Variants in FAM227B observed in about 807,000 individuals in gnomAD.
FAM227B encodes the protein protein FAM227B.
Under a neutral mutation model 73.8 loss-of-function variants are expected in FAM227B, and 88 were observed. The ratio of observed to expected loss-of-function variants is 1.19; its 90% confidence interval spans 1.00 to 1.42. FAM227B has a LOEUF of 1.42. Among genes scored for constraint, FAM227B ranks in the 40% most tolerant of loss-of-function variants. The pLI is 0.00. For synonymous variants in FAM227B, 210 were observed against 190.5 expected, an observed-to-expected ratio of 1.10 and a Z score of -0.84; for missense variants, 632 against 590.9, an observed-to-expected ratio of 1.07 and a Z score of -0.72.
At chr15:49,385,117 A>G (rs929039759) in intron 11 of FAM227B, among the ~76,000 whole-genome samples, 2 of 151,882 alleles carry the variant, frequency 1.3e-5, no homozygotes, top group African/African-American at 4.8e-5. Flanking sequence ...GGTTTGGAGA[A>G]AGGTTTGGCA....
intron 10 of FAM227B, among the ~76,000 whole-genome samples, chr15:49,538,489 G>A (rs1258464660): frequency 6.6e-6 from 1 of 152,144 alleles, no homozygotes; most frequent in African/African-American, 2.4e-5. Context: ...GTCCCCAGGG[G>A]GTGAGGTGCT....
chr15:49,604,764 G>A (rs2077406052), intron 3 of FAM227B, among the ~76,000 whole-genome samples: 1 of 150,018 alleles, frequency 6.7e-6, no homozygotes, highest in South Asian at 2.1e-4. Flanking sequence ...TCCTCTGACA[G>A]CAGTTTCAAA....
chr15:49,478,446 G>A (rs1314907575), intron 11 of FAM227B, among the ~76,000 whole-genome samples: 1 of 151,648 alleles, frequency 6.6e-6, no homozygotes, highest in African/African-American at 2.4e-5. Flanking sequence ...TAAAATGAAT[G>A]GAATCTATAG....
chr15:49,396,336 G>A (rs375760229), intron 11 of FAM227B: 8 of 362,546 alleles, frequency 2.2e-5, no homozygotes, highest in Admixed American at 1.1e-4. Context: ...CACCTGGCTC[G>A]GAGGGTCCTA....
chr15:49,494,373 T>C (rs2057411954), intron 11 of FAM227B, among the ~76,000 whole-genome samples: 1 of 152,082 alleles, frequency 6.6e-6, no homozygotes, highest in African/African-American at 2.4e-5. Context: ...ATTTCAGTTT[T>C]GTTTTTGTTG....
intron 11 of FAM227B, among the ~76,000 whole-genome samples, chr15:49,420,906 C>T (rs532061315): frequency 1.3e-5 from 2 of 152,182 alleles, no homozygotes; most frequent in African/African-American, 2.4e-5. Context: ...CGGGGTTTCA[C>T]TGTGTTAGCC....
chr15:49,612,491 A>C (rs2078006863), intron 2 of FAM227B, among the ~76,000 whole-genome samples: 2 of 152,182 alleles, frequency 1.3e-5, no homozygotes, highest in Non-Finnish European at 2.9e-5. Context: ...TCTAAATTTC[A>C]CACAGTGGCT....
At chr15:49,432,423 C>T (rs879327304) in intron 11 of FAM227B, among the ~76,000 whole-genome samples, 3 of 151,614 alleles carry the variant, frequency 2.0e-5, no homozygotes, top group Non-Finnish European at 4.4e-5. Context: ...CTATACTATA[C>T]TAATGAGAAT....
In FAM227B at chr15:49,479,599, G is replaced by GTTTTTTTTTT. The variant is rs56097665; in HGVS notation, c.1012+28602_1012+28611dup. On this transcript the variant is annotated intron_variant, in intron 11 of 15. Transcript: ENST00000299338. ...GTAGGATTTCATAGTTAATACCTCT[G>GTTTTTTTTTT]TTTTTTTTTTTTTTTTTTTTTTTTT... is the stretch of plus-strand genomic sequence containing the variant. Among the ~76,000 whole-genome samples the GTTTTTTTTTT allele has an allele frequency of 6.2e-4, 39 of 63,322 alleles. 6 individuals are homozygous for GTTTTTTTTTT. Among genetic ancestry groups the GTTTTTTTTTT allele is most frequent in the African/African-American group, 2.4e-3 (38 of 15,940 alleles). 41.5% of individuals were successfully genotyped at this position (63,322 alleles called of 152,430 possible).
At chr15:49,551,825 T>C (rs960939830) in intron 9 of FAM227B, among the ~76,000 whole-genome samples, 12 of 152,306 alleles carry the variant, frequency 7.9e-5, no homozygotes, top group Non-Finnish European at 1.6e-4. Flanking sequence ...TATTTTAACC[T>C]GGTAACAACA....
At chr15:49,544,306 T>C (rs2071507979) in intron 9 of FAM227B, among the ~76,000 whole-genome samples, 1 of 152,188 alleles carries the variant, frequency 6.6e-6, no homozygotes, top group Non-Finnish European at 1.5e-5. Context: ...GATTCTCAGC[T>C]TGGTTGTTGT....
chr15:49,495,646 A>G (rs552927821), intron 11 of FAM227B, among the ~76,000 whole-genome samples: 5 of 152,260 alleles, frequency 3.3e-5, no homozygotes, highest in African/African-American at 1.2e-4. Flanking sequence ...TCAAAGTGCT[A>G]TTTTATATCC....
intron 11 of FAM227B, among the ~76,000 whole-genome samples, chr15:49,435,020 A>T (rs2050968646): frequency 6.6e-6 from 1 of 151,620 alleles, no homozygotes; most frequent in African/African-American, 2.4e-5. Context: ...ATTTTACAAC[A>T]ATAAAAATAC....
intron 9 of FAM227B, among the ~76,000 whole-genome samples, chr15:49,550,880 G>T (rs1469302655): frequency 6.6e-6 from 1 of 152,048 alleles, no homozygotes; most frequent in African/African-American, 2.4e-5. Flanking sequence ...CAGACGGGGT[G>T]GCGGCCGGGC....
intron 11 of FAM227B, among the ~76,000 whole-genome samples, chr15:49,410,849 T>C (rs1422128443): frequency 6.6e-6 from 1 of 152,010 alleles, no homozygotes; most frequent in Non-Finnish European, 1.5e-5. Context: ...ACCAGATGTG[T>C]TTTTCAAGAC....
At chr15:49,486,189 A>C (rs577432762) in intron 11 of FAM227B, 6 of 152,206 alleles carry the variant, frequency 3.9e-5, no homozygotes, top group African/African-American at 1.4e-4. Context: ...ATTTGGTAAT[A>C]CATTTATAGA....
At chr15:49,332,585 GAGA>G (rs1429355083) in intron 14 of FAM227B, among the ~76,000 whole-genome samples, 1 of 152,180 alleles carries the variant, frequency 6.6e-6, no homozygotes, top group Non-Finnish European at 1.5e-5. Context: ...AGAAACTTGA[GAGA>G]AGGAGAAACA....
Position 49,550,959 on chromosome 15 carries a change from G to A in FAM227B, c.748-9153C>T, listed in dbSNP as rs1401175920. Among the ~76,000 whole-genome samples the A allele has an allele frequency of 1.4e-4, 21 of 152,190 alleles. 1 individual carries two copies. Among genetic ancestry groups the A allele is most frequent in the Non-Finnish European group, 1.8e-4 (12 of 67,982 alleles). On this transcript the variant is annotated intron_variant, in intron 9 of 15. Transcript: ENST00000299338. ...TGGGAGGTGGAGGTTGTAGCGAGCC[G>A]AGATCACACCACTGCACTCCAGCCT...
intron 10 of FAM227B, among the ~76,000 whole-genome samples, chr15:49,517,091 G>C (rs2059426170): frequency 6.6e-6 from 1 of 152,152 alleles, no homozygotes; most frequent in Non-Finnish European, 1.5e-5. Flanking sequence ...TTCCAGAACT[G>C]TAAGATATAC....
Sources: gnomAD v4.1 joint callset for allele counts (sites outside exome capture counted in the v4.1 genomes callset) on GRCh38, gnomAD v4.1.1 for gene constraint, MANE v1.5 for transcripts, NCBI Gene and HGNC (gene_info 2026-07-23, HGNC 2026-07-21) for gene names.